Variants in SFMBT2 observed in about 807,000 individuals in gnomAD.
The protein encoded by SFMBT2 is Scm like with four mbt domains 2, also known as scm-like with four MBT domains protein 2.
SFMBT2 carries 38 observed loss-of-function variants against 110.1 expected under a neutral mutation model. The ratio of observed to expected loss-of-function variants is 0.35; its 90% CI spans 0.27 to 0.45. SFMBT2 has a LOEUF of 0.45. Among genes scored for constraint, SFMBT2 ranks in the 20% least tolerant of loss-of-function variants. The pLI is 1.00. For missense variants in SFMBT2, 1,011 were observed against 1,094.9 expected (o/e 0.92, Z 1.08); for synonymous variants, 425 against 425.4 (o/e 1.00, Z 0.01).
intron 4 of SFMBT2, among the ~76,000 whole-genome samples, chr10:7,362,873 G>A (rs1844768112): frequency 6.6e-6 from 1 of 152,196 alleles, no homozygotes; most frequent in African/African-American, 2.4e-5. Flanking sequence ...TCTGTGCTTT[G>A]GACAGATTCC....
chr10:7,194,503 ATCT>A (rs1838709319), intron 15 of SFMBT2, among the ~76,000 whole-genome samples: 1 of 152,142 alleles, frequency 6.6e-6, no homozygotes, highest in African/African-American at 2.4e-5. Flanking sequence ...CTCACTGCAC[ATCT>A]CCTACACATA....
At chr10:7,209,612 G>C (rs1401733716) in intron 11 of SFMBT2, among the ~76,000 whole-genome samples, 9 of 152,186 alleles carry the variant, frequency 5.9e-5, no homozygotes, top group African/African-American at 2.2e-4. Flanking sequence ...AGTATAAAAG[G>C]CAGGGTGCAG....
chr10:7,381,047 C>G (rs1845404762), intron 2 of SFMBT2, among the ~76,000 whole-genome samples: 1 of 150,816 alleles, frequency 6.6e-6, no homozygotes, highest in African/African-American at 2.5e-5. Flanking sequence ...GATCCTGTCT[C>G]AAAACACACA....
In SFMBT2 at chr10:7,335,564, TTCAGAA is replaced by T. The variant is rs200436761; in HGVS notation, c.436+32079_436+32084del. Reference sequence around the variant, plus strand: ...CAAAAAAGTAACACCTTAAAAGATATTCAGAAACAGAAACAGAAACACACACACACA... The same window carrying T: ...CAAAAAAGTAACACCTTAAAAGATATACAGAAACAGAAACACACACACACA... On this transcript the variant is annotated intron_variant, in intron 4 of 20. Coordinates refer to ENST00000397167, the MANE Select transcript of SFMBT2 (RefSeq NM_001387889.1). Among the ~76,000 whole-genome samples the T allele has an allele frequency of 6.3e-3, 874 of 137,774 alleles. 6 individuals are homozygous for T. The highest frequency in any genetic ancestry group is 0.022 in the African/African-American group (797 of 36,304). The allele number at this position is 137,774 out of a possible 152,430, so 90.4% of individuals were successfully genotyped here.
At chr10:7,341,076 G>A (rs962800712) in intron 4 of SFMBT2, among the ~76,000 whole-genome samples, 3 of 152,136 alleles carry the variant, frequency 2.0e-5, no homozygotes, top group African/African-American at 7.2e-5. Flanking sequence ...GCACCTCCAT[G>A]TTTTCTACTC....
At chr10:7,300,964 A>G (rs970970107) in intron 4 of SFMBT2, among the ~76,000 whole-genome samples, 2 of 152,244 alleles carry the variant, frequency 1.3e-5, no homozygotes, top group African/African-American at 2.4e-5. Flanking sequence ...GTGTCGTACA[A>G]AAGTCCAGAT....
At chr10:7,362,840 A>G (rs2132039698) in intron 4 of SFMBT2, among the ~76,000 whole-genome samples, 1 of 152,320 alleles carries the variant, frequency 6.6e-6, no homozygotes, top group African/African-American at 2.4e-5. Flanking sequence ...CATCACCTCC[A>G]ACAGTAATTC....
At chr10:7,392,286 G>C (rs188138029) in intron 1 of SFMBT2, among the ~76,000 whole-genome samples, 437 of 152,248 alleles carry the variant, frequency 2.9e-3, no homozygotes, top group South Asian at 9.8e-3. Context: ...AGGCCGAGGT[G>C]GGCGGATCAC....
At chr10:7,249,661 T>C (rs1166097772) in intron 7 of SFMBT2, 1 of 532,764 alleles carries the variant, frequency 1.9e-6, no homozygotes, top group Non-Finnish European at 2.4e-6. Flanking sequence ...CTCTGAGGAC[T>C]GCACAGAGCC....
At chr10:7,204,162 G>A (rs960602411) in intron 12 of SFMBT2, 1 of 231,062 alleles carries the variant, frequency 4.3e-6, no homozygotes, top group African/African-American at 2.3e-5. Context: ...GGATGGTTTA[G>A]GAAAAGGAGA....
At chr10:7,168,460 C>A (rs533021351) in intron 20 of SFMBT2, among the ~76,000 whole-genome samples, 2 of 152,274 alleles carry the variant, frequency 1.3e-5, no homozygotes, top group African/African-American at 2.4e-5. Flanking sequence ...GAATGCCACA[C>A]CTTGTATCTT....
intron 15 of SFMBT2, among the ~76,000 whole-genome samples, chr10:7,190,819 T>C (rs1303736922): frequency 6.6e-6 from 1 of 152,228 alleles, no homozygotes; most frequent in Non-Finnish European, 1.5e-5. Context: ...ATGGTTTGGC[T>C]GTGACCCCAC....
At position 7,171,920 on chromosome 10, in the gene SFMBT2, G is replaced by C; in HGVS notation, c.2390C>G (p.Pro797Arg). The change falls in exon 19 of 21, where the codon CCG (proline) becomes CGG (arginine). Residue 797 changes from proline to arginine, a missense_variant. Pro to Arg is a moderately radical substitution (Grantham distance 103, BLOSUM62 -2). Around this residue, in one of 2 missense-constraint regions of SFMBT2, gnomAD observed 979 missense variants for 1,016.1 expected, o/e 0.96. Coordinates refer to ENST00000397167, the MANE Select transcript of SFMBT2 (RefSeq NM_001387889.1). The surrounding 1 kb of genome is among the most constrained non-coding windows in gnomAD (Gnocchi z 4.9). ...ASSAEEGEKC[P>R]PTKPEGTEDT... ...CTCTGTCCCCTCGGGCTTGGTCGGC[G>C]GGCACTTCTCCCCTTCCTCTGCTGA... 1.4e-6 allele frequency: 2 copies of C among 1,438,614 alleles called. No individual in the cohort carries two copies. Among genetic ancestry groups the C allele is most frequent in the Non-Finnish European group, 1.8e-6 (2 of 1,099,086 alleles). 89.1% of individuals were successfully genotyped at this position (1,438,614 alleles called of 1,614,324 possible). A position where few individuals can be genotyped will look rare whatever the true frequency, so the allele number is the denominator to read the frequency against.
At chr10:7,384,414 G>A (rs371254005) in intron 1 of SFMBT2, among the ~76,000 whole-genome samples, 3 of 152,026 alleles carry the variant, frequency 2.0e-5, no homozygotes, top group South Asian at 2.1e-4. Flanking sequence ...CTACAGAAAC[G>A]ACCTGAACCA....
intron 4 of SFMBT2, among the ~76,000 whole-genome samples, chr10:7,347,942 T>C (rs896997153): frequency 1.3e-5 from 2 of 152,174 alleles, no homozygotes; most frequent in South Asian, 2.1e-4. Flanking sequence ...TAAAGATCCA[T>C]TTGGGATCTA....
In SFMBT2 at chr10:7,334,293, G is replaced by A. The variant is rs533457015; in HGVS notation, c.436+33356C>T. On this transcript the variant is annotated intron_variant, in intron 4 of 20. Transcript: ENST00000397167. ...AGAGGCCACCCCCTCCACCTTCCCA[G>A]TGACACAGCCAAAGCCACCACCAGG... 5.3e-5 allele frequency among the ~76,000 whole-genome samples: 8 copies of A among 152,116 alleles called. No individual in the cohort carries two copies. The East Asian group carries it at 1.5e-3, about 29-fold the overall frequency.
At chr10:7,403,491 A>T (rs1564477744) in intron 1 of SFMBT2, among the ~76,000 whole-genome samples, 1 of 151,658 alleles carries the variant, frequency 6.6e-6, no homozygotes, top group Non-Finnish European at 1.5e-5. Context: ...AAAAACAGAA[A>T]ATTAGCTGGG....
At chr10:7,297,290 G>A (rs1842430405) in intron 4 of SFMBT2, among the ~76,000 whole-genome samples, 1 of 152,194 alleles carries the variant, frequency 6.6e-6, no homozygotes, top group Non-Finnish European at 1.5e-5. Context: ...GCAGGCTCCA[G>A]ATGGCACTAC....
chr10:7,350,295 T>C (rs1201190834), intron 4 of SFMBT2, among the ~76,000 whole-genome samples: 1 of 152,092 alleles, frequency 6.6e-6, no homozygotes, highest in Admixed American at 6.5e-5. Flanking sequence ...GTCTGGGGCA[T>C]GCAACCTGAA....
Sources: allele counts gnomAD v4.1 joint callset (sites outside exome capture counted in the v4.1 genomes callset), GRCh38; gene constraint gnomAD v4.1.1; regional missense constraint gnomAD v4.1.1; non-coding constraint Gnocchi (gnomAD v3.1); transcripts MANE v1.5; gene names NCBI Gene and HGNC (gene_info 2026-07-23, HGNC 2026-07-21).